Variants in LRRIQ1 observed in about 807,000 individuals in gnomAD.
LRRIQ1 encodes the protein leucine-rich repeat- and IQ domain-containing protein 1.
A neutral mutation model predicts 211.9 loss-of-function variants in LRRIQ1; 210 were observed. The ratio of observed to expected loss-of-function variants is 0.99; its 90% CI spans 0.89 to 1.11. LRRIQ1 has a LOEUF of 1.11. LRRIQ1 is among the 50% of genes most tolerant of loss of function. LRRIQ1 has a pLI of 0.00. For missense variants in LRRIQ1, 2,136 were observed against 1,939.5 expected, an observed-to-expected ratio of 1.10 and a Z score of -1.90; for synonymous variants, 699 against 650.1, an observed-to-expected ratio of 1.08 and a Z score of -1.14.
intron 24 of LRRIQ1, among the ~76,000 whole-genome samples, chr12:85,165,916 C>T (rs1348139351): frequency 6.6e-6 from 1 of 152,058 alleles, no homozygotes; most frequent in African/African-American, 2.4e-5. Flanking sequence ...GAGTGCATGT[C>T]TTTTTGGTAG....
intron 3 of LRRIQ1, among the ~76,000 whole-genome samples, chr12:85,041,702 T>C (rs1209066041): frequency 1.3e-5 from 2 of 151,958 alleles, no homozygotes; most frequent in Non-Finnish European, 2.9e-5. Context: ...TCTCAACATA[T>C]AAAAAATTTT....
rs116186047 is a variant in LRRIQ1 at position 85,150,249 on chromosome 12, T to C, written c.4330-2031T>C. On this transcript the variant is annotated intron_variant, in intron 19 of 26. Transcript: ENST00000393217. ...TGTCTCCTTCACATTTTCTCATCAA[T>C]TTAGCAGTTTTCAGCAGAATAAAAA... Among the ~76,000 whole-genome samples the C allele has an allele frequency of 2.9e-3, 439 of 151,922 alleles. 5 individuals carry two copies. Among genetic ancestry groups the C allele is most frequent in the African/African-American group, 1.0e-2 (413 of 41,504 alleles).
At chr12:85,218,877 G>A (rs1894273606) in intron 24 of LRRIQ1, among the ~76,000 whole-genome samples, 1 of 151,986 alleles carries the variant, frequency 6.6e-6, no homozygotes, top group East Asian at 1.9e-4. Context: ...ATACAACTTG[G>A]CATAACACTG....
chr12:85,038,190 A>T lies in LRRIQ1; in HGVS notation c.14A>T (p.Asp5Val). The T allele has an allele frequency of 6.4e-7, 1 of 1,566,144 alleles. No homozygotes were observed. ...TTATGAAGAATAATGGACGATGATG[A>T]TGCAAAGCTCAAAGCAGAAATAGAA... MDDD[D>V]AKLKAEIEAE... is the part of the protein sequence containing the mutation. The change falls in exon 2 of 27, where the codon GAT becomes GTT. Residue 5 changes from aspartate to valine, a missense_variant. Physicochemically the swap from Asp to Val is radical, Grantham distance 152 (BLOSUM62 -3). Coordinates refer to ENST00000393217, the MANE Select transcript of LRRIQ1 (RefSeq NM_001079910.2).
intron 1 of LRRIQ1, among the ~76,000 whole-genome samples, chr12:85,254,181 G>A (rs1381346922): frequency 2.0e-5 from 3 of 151,978 alleles, no homozygotes; most frequent in African/African-American, 7.2e-5. Flanking sequence ...TTCTGGGGAG[G>A]CCTCAAGAAG....
intron 26 of LRRIQ1, among the ~76,000 whole-genome samples, chr12:85,234,165 A>C (rs1895075225): frequency 6.6e-6 from 1 of 152,134 alleles, no homozygotes; most frequent in Non-Finnish European, 1.5e-5. Flanking sequence ...TGAGCCTAGA[A>C]GATGGAAATT....
At chr12:85,106,713 A>C (rs1886811910) in intron 15 of LRRIQ1, 98 bp downstream of exon 15, 2 of 766,004 alleles carry the variant, frequency 2.6e-6, no homozygotes, top group Admixed American at 5.8e-5. Context: ...ACCTAGGATA[A>C]GTTAATTAAA....
chr12:85,092,388 T>C (rs1183883369), intron 11 of LRRIQ1, among the ~76,000 whole-genome samples: 1 of 152,156 alleles, frequency 6.6e-6, no homozygotes, highest in Non-Finnish European at 1.5e-5. Flanking sequence ...TTTCCTGCAC[T>C]GTGCACTTGC....
Position 85,090,854 on chromosome 12 carries a change from T to C in LRRIQ1, c.2888-7501T>C, listed in dbSNP as rs547908495. Among the ~76,000 whole-genome samples, 42 of 152,264 alleles carry C rather than the reference T, an allele frequency of 2.8e-4. No homozygotes were observed. The South Asian group carries it at 8.3e-3, about 30-fold the overall frequency. On this transcript the variant is annotated intron_variant, in intron 11 of 26. Transcript: ENST00000393217. ...TTTACAATGTGAGAAGGACATGATA[T>C]TTGGGAGGGGGCAGGGGTGGATAAA...
intron 15 of LRRIQ1, among the ~76,000 whole-genome samples, chr12:85,116,738 T>G (rs1238560765): frequency 6.6e-6 from 1 of 152,138 alleles, no homozygotes; most frequent in Non-Finnish European, 1.5e-5. Flanking sequence ...CCCCAATGTC[T>G]GTTGTTTTCT....
intron 3 of LRRIQ1, among the ~76,000 whole-genome samples, chr12:85,041,750 C>CA (rs1356943750): frequency 4.0e-5 from 6 of 151,694 alleles, no homozygotes; most frequent in Non-Finnish European, 8.9e-5. Context: ...TATTTGGAAA[C>CA]AATCATTCTG....
chr12:85,124,842 A>C (rs187533218), intron 17 of LRRIQ1: 1 of 238,128 alleles, frequency 4.2e-6, no homozygotes, highest in African/African-American at 2.4e-5. Context: ...TAAAAATAAT[A>C]AAAACATTTT....
At chr12:85,105,852 A>G (rs1224349771) in intron 14 of LRRIQ1, among the ~76,000 whole-genome samples, 2 of 139,996 alleles carry the variant, frequency 1.4e-5, no homozygotes, top group Non-Finnish European at 1.5e-5. Context: ...GCTGGAGTGC[A>G]ATAGCATGAT....
chr12:85,123,901 A>C (rs777471735), intron 16 of LRRIQ1, among the ~76,000 whole-genome samples, 169 bp from the exon 17 acceptor site: 3 of 152,176 alleles, frequency 2.0e-5, no homozygotes, highest in African/African-American at 7.2e-5. Context: ...AAATTTTGTT[A>C]TAAACGAGAT....
intron 13 of LRRIQ1, among the ~76,000 whole-genome samples, chr12:85,099,339 G>A (rs1010010898): frequency 4.6e-5 from 7 of 151,772 alleles, no homozygotes; most frequent in Admixed American, 4.6e-4. Flanking sequence ...AATTCAGAAG[G>A]ATGTCTCATT....
At chr12:85,058,234 G>C (rs1455341036) in intron 8 of LRRIQ1, among the ~76,000 whole-genome samples, 9 of 151,988 alleles carry the variant, frequency 5.9e-5, no homozygotes, top group Admixed American at 2.0e-4. Context: ...TGAGAACTGG[G>C]ACATACACTT....
chr12:85,246,578 A>G (rs1317251398), downstream of LRRIQ1, among the ~76,000 whole-genome samples: 1 of 151,514 alleles, frequency 6.6e-6, no homozygotes, highest in East Asian at 1.9e-4. Context: ...TGCAAGTTTC[A>G]TCATTCACTT....
At chr12:85,104,736 T>C (rs1886647361) in intron 14 of LRRIQ1, among the ~76,000 whole-genome samples, 1 of 152,068 alleles carries the variant, frequency 6.6e-6, no homozygotes, top group Non-Finnish European at 1.5e-5. Context: ...GGTTTATGAA[T>C]ACAAAGTTCC....
intron 25 of LRRIQ1, among the ~76,000 whole-genome samples, chr12:85,231,421 T>C (rs927891373): frequency 1.3e-5 from 2 of 152,232 alleles, no homozygotes; most frequent in African/African-American, 4.8e-5. Context: ...CAAATTAATG[T>C]AAGCACAATT....
Sources: gnomAD v4.1 joint callset for allele counts (sites outside exome capture counted in the v4.1 genomes callset) on GRCh38, gnomAD v4.1.1 for gene constraint, MANE v1.5 for transcripts, NCBI Gene and HGNC (gene_info 2026-07-23, HGNC 2026-07-21) for gene names.